The following CEMIP variants were observed in gnomAD, a reference collection of about 807,000 sequenced individuals.
The protein encoded by CEMIP is cell migration-inducing and hyaluronan-binding protein.
In CEMIP, 105 loss-of-function variants were observed where a neutral mutation model predicts 156.9. The ratio of observed to expected loss-of-function variants is 0.67; its 90% CI spans 0.57 to 0.79. The LOEUF (loss-of-function observed/expected upper bound fraction) is 0.79. CEMIP is among the 30% of genes least tolerant of loss of function. The pLI is 0.00. For synonymous variants in CEMIP, 676 were observed against 668.4 expected, an observed-to-expected ratio of 1.01 and a Z score of -0.17; for missense variants, 1,457 against 1,769.4, an observed-to-expected ratio of 0.82 and a Z score of 3.17.
chr15:80,887,889 T>A, intron 8 of CEMIP, 125 bp downstream of exon 8: 1 of 819,822 alleles, frequency 1.2e-6, no homozygotes, highest in Non-Finnish European at 2.0e-6. Context: ...TCTAGATGAG[T>A]GAGCAGCCGC....
intron 1 of CEMIP, among the ~76,000 whole-genome samples, chr15:80,806,093 G>T (rs1896506101): frequency 6.6e-6 from 1 of 152,242 alleles, no homozygotes; most frequent in Non-Finnish European, 1.5e-5. Flanking sequence ...GACAAGGTAT[G>T]TAAAATGCGT....
rs8028511 is a variant in CEMIP, at chr15:80,888,640, G to A, written c.869-61G>A. On this transcript the variant is annotated intron_variant, in intron 8 of 29. Transcript: ENST00000394685. ...CGTAGGGGGGTTTCCTTGCCTTGGAGTCACAACTTTTTGAATTTGGGGGTC... is the reference window on the plus strand; with the variant it reads ...CGTAGGGGGGTTTCCTTGCCTTGGAATCACAACTTTTTGAATTTGGGGGTC... 655,905 of 1,448,126 alleles carry A rather than the reference G, an allele frequency of 0.45. 153,746 individuals are homozygous for A. The highest frequency in any genetic ancestry group is 0.49 in the Non-Finnish European group (503,295 of 1,028,850). 89.7% of individuals were successfully genotyped at this position (1,448,126 alleles called of 1,614,324 possible).
chr15:80,798,407 G>A (rs1896287562), intron 1 of CEMIP, among the ~76,000 whole-genome samples: 2 of 152,098 alleles, frequency 1.3e-5, no homozygotes, highest in South Asian at 2.1e-4. Flanking sequence ...TTTTTCCCAA[G>A]TTTTGCTGAT....
intron 1 of CEMIP, among the ~76,000 whole-genome samples, chr15:80,836,463 C>G (rs1292887248): frequency 6.6e-6 from 1 of 152,232 alleles, no homozygotes; most frequent in African/African-American, 2.4e-5. Context: ...ATGAACATGG[C>G]AGACATTTTG....
intron 28 of CEMIP, among the ~76,000 whole-genome samples, chr15:80,944,085 C>T (rs1901445851): frequency 6.6e-6 from 1 of 152,096 alleles, no homozygotes; most frequent in South Asian, 2.1e-4. Flanking sequence ...TGACATCAGC[C>T]TGGCCAATAT....
At chr15:80,928,766 T>C in intron 19 of CEMIP, 136 bp from the exon 20 acceptor site, 2 of 1,109,078 alleles carry the variant, frequency 1.8e-6, no homozygotes, top group Non-Finnish European at 2.7e-6. Context: ...TGAGCACGAC[T>C]CTGCTTATGT....
At chr15:80,798,507 A>G (rs529621263) in intron 1 of CEMIP, among the ~76,000 whole-genome samples, 1 of 152,322 alleles carries the variant, frequency 6.6e-6, no homozygotes, top group African/African-American at 2.4e-5. Flanking sequence ...ATTGTGTACA[A>G]CAGTGTTATT....
rs1239558341 is a variant in CEMIP, at chr15:80,924,610, C to T, written c.2203-11C>T. The T allele has an allele frequency of 6.2e-7, 1 of 1,613,620 alleles. No homozygotes were observed. The highest frequency in any genetic ancestry group is 1.7e-4 in the Middle Eastern group (1 of 6,060). ...GAAACTAATGTGTCCCTGAATATCT[C>T]TTCCCTGCAGGCTGGCATGATCATA... On this transcript the variant is annotated splice_polypyrimidine_tract_variant and intron_variant, in intron 17 of 29. Transcript: ENST00000394685.
At chr15:80,894,954 A>G (rs200432233) in intron 10 of CEMIP, 36 bp from the exon 11 acceptor site, 43 of 1,601,040 alleles carry the variant, frequency 2.7e-5, no homozygotes, top group South Asian at 1.9e-4. Flanking sequence ...ATAAAAAAAA[A>G]ACGACTTTGC....
intron 1 of CEMIP, among the ~76,000 whole-genome samples, chr15:80,840,214 G>C (rs995144805): frequency 3.3e-5 from 5 of 152,184 alleles, no homozygotes; most frequent in African/African-American, 1.2e-4. Flanking sequence ...GGGCAAGTGT[G>C]ATGTGGAAGT....
chr15:80,873,875 C>T lies in CEMIP; in HGVS notation c.-5C>T, dbSNP rs762339511. ...TGCTTCTCTTTCAGGGAGCACACTG[C>T]CAGGATGGGAGCTGCTGGGAGGCAG... On this transcript the variant is annotated 5_prime_UTR_variant, in exon 3 of 30. Coordinates refer to ENST00000394685, the MANE Select transcript of CEMIP (RefSeq NM_001293298.2). 6.4e-6 allele frequency: 10 copies of T among 1,574,556 alleles called. No homozygotes were observed. The Admixed American group carries it at 1.5e-4, about 23-fold the overall frequency.
At chr15:80,944,005 C>T (rs1338715575) in intron 28 of CEMIP, among the ~76,000 whole-genome samples, 2 of 152,148 alleles carry the variant, frequency 1.3e-5, no homozygotes, top group Admixed American at 1.3e-4. Flanking sequence ...CTTGGCAGGG[C>T]GCATTGGCTC....
chr15:80,931,763 A>C (rs1422572220), intron 21 of CEMIP, 96 bp from the exon 22 acceptor site: 1 of 1,260,452 alleles, frequency 7.9e-7, no homozygotes, highest in Non-Finnish European at 1.2e-6. Flanking sequence ...CCACCTCAGA[A>C]GGGGCAAACA....
In CEMIP at chr15:80,873,710, A is replaced by C; in HGVS notation, c.-17+14A>C. ...GGGAAGCCACTGGTGAGGACGCTGC[A>C]CTGGAGTGTGGGCTGGCTGAGTGTG... On this transcript the variant is annotated intron_variant, in intron 2 of 29. Transcript: ENST00000394685. 1 of 639,716 alleles carries C rather than the reference A, an allele frequency of 1.6e-6. No homozygotes were observed. The highest frequency in any genetic ancestry group is 2.8e-6 in the Non-Finnish European group (1 of 351,476). The allele number at this position is 639,716 out of a possible 1,614,324, so 39.6% of individuals were successfully genotyped here.
chr15:80,782,243 A>G (rs1413277978), intron 1 of CEMIP, among the ~76,000 whole-genome samples: 2 of 152,198 alleles, frequency 1.3e-5, no homozygotes, highest in Admixed American at 6.5e-5. Flanking sequence ...CTGCAAGTGA[A>G]GTACTCTTGG....
Position 80,951,625 on chromosome 15 carries a change from A to ACTGT in CEMIP, c.*2703_*2706dup, listed in dbSNP as rs1901834963. 6.5e-6 allele frequency: 1 copy of ACTGT among 152,780 alleles called. No homozygotes were observed. The highest frequency in any genetic ancestry group is 2.4e-5 in the African/African-American group (1 of 41,580). The allele number at this position is 152,780 out of a possible 1,614,324, so 9.5% of individuals were successfully genotyped here. The stretch of plus-strand genomic sequence containing the variant: ...TATTATATGTGCACTTCAAGAAGTC[A>ACTGT]CTGTCAGAGAAATAAAGAATTGTCT... On this transcript the variant is annotated 3_prime_UTR_variant, in exon 30 of 30. Coordinates refer to ENST00000394685, the MANE Select transcript of CEMIP (RefSeq NM_001293298.2).
chr15:80,894,894 T>C, intron 10 of CEMIP, 96 bp from the exon 11 acceptor site: 2 of 1,474,338 alleles, frequency 1.4e-6, no homozygotes, highest in Non-Finnish European at 1.9e-6. Context: ...AGGGACAATT[T>C]TAGACTTCTG....
chr15:80,834,647 T>C lies in CEMIP; in HGVS notation c.-175-38891T>C, dbSNP rs1038196657. Reference sequence around the variant, plus strand: ...GTCCATTTATGTATCCTTGTAACAATACTACGCTGTCTTAAAGACTTAGCT... The same window carrying C: ...GTCCATTTATGTATCCTTGTAACAACACTACGCTGTCTTAAAGACTTAGCT... On this transcript the variant is annotated intron_variant, in intron 1 of 29. Coordinates refer to ENST00000394685, the MANE Select transcript of CEMIP (RefSeq NM_001293298.2). Among the ~76,000 whole-genome samples the C allele has an allele frequency of 2.0e-5, 3 of 152,258 alleles. No individual in the cohort carries two copies. The South Asian group carries it at 6.2e-4, about 32-fold the overall frequency.
chr15:80,932,545 C>G lies in CEMIP; in HGVS notation c.2793+506C>G, dbSNP rs1201234277. On this transcript the variant is annotated intron_variant, in intron 22 of 29. Transcript: ENST00000394685. The surrounding 1 kb of genome is among the most constrained non-coding windows in gnomAD (Gnocchi z 4.5). ...AGGATTAGGAGATCAGGAGCAAGGG[C>G]TGCCCTGTGAGACCAGCCGGGGCCA... Among the ~76,000 whole-genome samples, 8 of 152,182 alleles carry G rather than the reference C, an allele frequency of 5.3e-5. No individual in the cohort carries two copies. Among genetic ancestry groups the G allele is most frequent in the Admixed American group, 3.3e-4 (5 of 15,280 alleles).
Sources: gnomAD v4.1 joint callset for allele counts (sites outside exome capture counted in the v4.1 genomes callset) on GRCh38, gnomAD v4.1.1 for gene constraint, Gnocchi (gnomAD v3.1) non-coding constraint, MANE v1.5 for transcripts, NCBI Gene and HGNC (gene_info 2026-07-23, HGNC 2026-07-21) for gene names.